BZW2: variants seen among roughly 807,000 people sequenced by gnomAD.
BZW2 encodes the protein basic leucine zipper and W2 domains 2, also known as eIF5-mimic protein 1.
In BZW2, 23 loss-of-function variants were observed where a neutral mutation model predicts 53.2. The observed-to-expected ratio is 0.43, with a 90% CI of 0.31 to 0.61. BZW2 has a LOEUF of 0.61. Among genes scored for constraint, BZW2 ranks in the 20% least tolerant of loss-of-function variants. The pLI is 0.09. For synonymous variants in BZW2, 227 were observed against 186.4 expected, an observed-to-expected ratio of 1.22 and a Z score of -1.77; for missense variants, 409 against 503.1, an observed-to-expected ratio of 0.81 and a Z score of 1.79.
chr7:16,669,221 A>G (rs1194434327), intron 2 of BZW2, among the ~76,000 whole-genome samples: 7 of 152,160 alleles, frequency 4.6e-5, no homozygotes, highest in Non-Finnish European at 5.9e-5. Flanking sequence ...TCCCTCCCAG[A>G]TTCAAGTGAT....
chr7:16,678,829 CA>C (rs1365204712), intron 3 of BZW2, among the ~76,000 whole-genome samples: 1 of 151,814 alleles, frequency 6.6e-6, no homozygotes, highest in African/African-American at 2.4e-5. Flanking sequence ...CGGGGGGTGA[CA>C]TCACGTGTCG....
In BZW2 at chr7:16,673,137, G is replaced by GTTA. The variant is rs1562484018; in HGVS notation, c.59-1275_59-1274insTTA. ...AATTTTTTGTATTTTTAGTAGAGAC[G>GTTA]GGGTTTCACCACGTTAGCCAGGATG... On this transcript the variant is annotated intron_variant, in intron 2 of 11. Transcript: ENST00000258761. Among the ~76,000 whole-genome samples, 20 of 152,094 alleles carry GTTA rather than the reference G, an allele frequency of 1.3e-4. No homozygotes were observed. In the South Asian group the frequency reaches 4.0e-3, roughly 30 times the overall value.
chr7:16,686,849 G>C (rs1363825339), intron 6 of BZW2: 1 of 152,164 alleles, frequency 6.6e-6, no homozygotes, highest in Non-Finnish European at 1.5e-5. Context: ...GTCTTATTCA[G>C]AGACTCTTCC....
intron 1 of BZW2, among the ~76,000 whole-genome samples, chr7:16,660,731 A>G (rs1324163590): frequency 6.6e-6 from 1 of 152,176 alleles, no homozygotes; most frequent in African/African-American, 2.4e-5. Context: ...TCTAGTCACT[A>G]GCCGCATTTC....
intron 2 of BZW2, among the ~76,000 whole-genome samples, chr7:16,673,277 T>C (rs927530713): frequency 5.9e-5 from 9 of 152,196 alleles, no homozygotes; most frequent in Admixed American, 5.9e-4. Context: ...GAAAAAAAGC[T>C]ACATAATATC....
chr7:16,646,199 GC>G lies in BZW2; in HGVS notation c.-95del, dbSNP rs1393100988. On this transcript the variant is annotated 5_prime_UTR_variant, in exon 1 of 12. Transcript: ENST00000258761. ...GTCCTTCACTCCTCCATTGTCTGCC[GC>G]CACTGCTGCTGCTGCTGCTGCTGCC... is the stretch of plus-strand genomic sequence containing the variant. The G allele has an allele frequency of 3.0e-5, 10 of 337,692 alleles. No homozygotes were observed. Among genetic ancestry groups the G allele is most frequent in the Non-Finnish European group, 5.4e-5 (9 of 166,854 alleles). The allele number at this position is 337,692 out of a possible 1,614,324, so 20.9% of individuals were successfully genotyped here. A position where few individuals can be genotyped will look rare whatever the true frequency, so the allele number is the denominator to read the frequency against.
In BZW2 at chr7:16,685,895, T is replaced by G; in HGVS notation, c.406-10T>G. ...CTTTTTCTTTTTTTTTTTTTTTTTT[T>G]GACCCACAGCTTCTCCTCTTCCTTA... On this transcript the variant is annotated splice_polypyrimidine_tract_variant and intron_variant, in intron 5 of 11. Coordinates refer to ENST00000258761, the MANE Select transcript of BZW2 (RefSeq NM_014038.3). 6 of 1,353,440 alleles carry G rather than the reference T, an allele frequency of 4.4e-6. No homozygotes were observed. The highest frequency in any genetic ancestry group is 5.8e-6 in the Non-Finnish European group (6 of 1,035,896). 83.8% of individuals were successfully genotyped at this position (1,353,440 alleles called of 1,614,324 possible). A position where few individuals can be genotyped will look rare whatever the true frequency, so the allele number is the denominator to read the frequency against.
intron 3 of BZW2, among the ~76,000 whole-genome samples, chr7:16,675,818 G>A (rs1247605345): frequency 2.0e-5 from 3 of 152,170 alleles, no homozygotes; most frequent in African/African-American, 4.8e-5. Flanking sequence ...GGTGGCTCAC[G>A]CCTGTAATCC....
At chr7:16,667,380 A>T (rs1275722674) in intron 2 of BZW2, among the ~76,000 whole-genome samples, 6 of 152,180 alleles carry the variant, frequency 3.9e-5, no homozygotes, top group Admixed American at 2.0e-4. Flanking sequence ...AATAAAGTTG[A>T]AGGGAATTAC....
Position 16,656,550 on chromosome 7 carries a change from C to CGT in BZW2, c.-7-8886_-7-8885insTG, listed in dbSNP as rs1243333106. Among the ~76,000 whole-genome samples, 361 of 116,592 alleles carry CGT rather than the reference C, an allele frequency of 3.1e-3. 5 individuals are homozygous for CGT. The highest frequency in any genetic ancestry group is 0.012 in the African/African-American group (333 of 26,766). 76.5% of individuals were successfully genotyped at this position (116,592 alleles called of 152,430 possible). A position where few individuals can be genotyped will look rare whatever the true frequency, so the allele number is the denominator to read the frequency against. On this transcript the variant is annotated intron_variant, in intron 1 of 11. Transcript: ENST00000258761. ...TGATCATCAAGCACTCCCCAGCGCG[C>CGT]GCGCGCACACACACACACACACACA...
chr7:16,655,471 C>A (rs2128350591), intron 1 of BZW2, among the ~76,000 whole-genome samples: 1 of 152,148 alleles, frequency 6.6e-6, no homozygotes, highest in East Asian at 1.9e-4. Context: ...ATAATTAAAT[C>A]AGGGTGATTA....
At chr7:16,698,580 T>C (rs1036522259) in intron 10 of BZW2, among the ~76,000 whole-genome samples, 1 of 152,274 alleles carries the variant, frequency 6.6e-6, no homozygotes, top group African/African-American at 2.4e-5. Context: ...AATCTGACTT[T>C]AAAATTACTG....
Position 16,674,492 on chromosome 7 carries a change from G to T in BZW2, c.139G>T (p.Ala47Ser). The T allele has an allele frequency of 6.2e-7, 1 of 1,613,680 alleles. No individual in the cohort carries two copies. The change falls in exon 3 of 12, where the codon GCT (alanine) becomes TCT (serine). Residue 47 changes from alanine (A) to serine (S), a missense_variant. By Grantham distance (99) the Ala-to-Ser change is moderately conservative. Around this residue, in one of 3 missense-constraint regions of BZW2, gnomAD observed 316 missense variants for 366.8 expected, o/e 0.86. Transcript: ENST00000258761. ...GLNEAGDDLE[A>S]VAKFLDSTGS... Reference sequence around the variant, plus strand: ...TAATGAGGCTGGTGATGACCTTGAAGCTGTAGCCAAATTTCTGGACTCTAC... The same window carrying T: ...TAATGAGGCTGGTGATGACCTTGAATCTGTAGCCAAATTTCTGGACTCTAC...
At chr7:16,685,241 T>G (rs1583735378) in intron 5 of BZW2, among the ~76,000 whole-genome samples, 1 of 152,342 alleles carries the variant, frequency 6.6e-6, no homozygotes, top group East Asian at 1.9e-4. Context: ...GGGTTGCTAC[T>G]TTTTTAGTTC....
At chr7:16,653,498 G>A (rs966146284) in intron 1 of BZW2, among the ~76,000 whole-genome samples, 3 of 151,954 alleles carry the variant, frequency 2.0e-5, no homozygotes, top group African/African-American at 7.3e-5. Context: ...TCATCTCCTG[G>A]TTCTCCTCAC....
At chr7:16,702,794 TTTAAAA>T (rs1283006830) in intron 10 of BZW2, among the ~76,000 whole-genome samples, 1 of 152,174 alleles carries the variant, frequency 6.6e-6, no homozygotes, top group African/African-American at 2.4e-5. Flanking sequence ...TTTGTCACAG[TTTAAAA>T]TTATATTGTT....
In BZW2 at chr7:16,706,069, C is replaced by T. The variant is rs148788756; in HGVS notation, c.1241C>T (p.Ser414Leu). 4.3e-6 allele frequency: 7 copies of T among 1,613,326 alleles called. No individual in the cohort carries two copies. Among genetic ancestry groups the T allele is most frequent in the African/African-American group, 1.3e-5 (1 of 74,842 alleles). The stretch of plus-strand genomic sequence containing the variant: ...CTTTCTTCTCTCCTAGAATCCGAAT[C>T]GGAAGGTGAGGAAAATTAAATGGCT... Reference protein sequence around the residue: ...WLQNAEEESESEGEEN With the variant: ...WLQNAEEESELEGEEN The change falls in exon 12 of 12, where the codon TCG (serine) becomes TTG (leucine). Residue 414 changes from serine to leucine, a missense_variant. By Grantham distance (145) the Ser-to-Leu change is moderately radical. This residue lies in a region of BZW2 where 88 missense variants were observed against 114.6 expected (regional missense o/e 0.77). Coordinates refer to ENST00000258761, the MANE Select transcript of BZW2 (RefSeq NM_014038.3).
At chr7:16,685,845 A>G in intron 5 of BZW2, 60 bp from the exon 6 acceptor site, 1 of 1,472,208 alleles carries the variant, frequency 6.8e-7, no homozygotes, top group Non-Finnish European at 8.9e-7. Context: ...TGCTTCATAG[A>G]CATGGTTCCT....
At chr7:16,681,932 T>C (rs1488144194) in intron 4 of BZW2, among the ~76,000 whole-genome samples, 1 of 152,220 alleles carries the variant, frequency 6.6e-6, no homozygotes, top group African/African-American at 2.4e-5. Context: ...GTTTTTCTTG[T>C]ATACATGTTA....
Sources: allele counts gnomAD v4.1 joint callset (sites outside exome capture counted in the v4.1 genomes callset), GRCh38; gene constraint gnomAD v4.1.1; regional missense constraint gnomAD v4.1.1; transcripts MANE v1.5; gene names NCBI Gene and HGNC (gene_info 2026-07-23, HGNC 2026-07-21).